PARD3: variants seen among roughly 807,000 people sequenced by gnomAD.
PARD3 encodes the protein partitioning defective 3 homolog.
A neutral mutation model predicts 155.4 loss-of-function variants in PARD3; 75 were observed. That is an observed-to-expected ratio of 0.48 (90% CI 0.40 to 0.58). The LOEUF (loss-of-function observed/expected upper bound fraction) is 0.58. Ranked by LOEUF, PARD3 falls within the 20% of genes least tolerant of loss-of-function variation. PARD3 has a pLI of 0.00. For synonymous variants in PARD3, 576 were observed against 610.5 expected (o/e 0.94, Z 0.83); for missense variants, 1,642 against 1,721.7 (o/e 0.95, Z 0.82).
At chr10:34,616,292 G>C (rs1288693740) in intron 2 of PARD3, among the ~76,000 whole-genome samples, 1 of 151,968 alleles carries the variant, frequency 6.6e-6, no homozygotes, top group Non-Finnish European at 1.5e-5. Flanking sequence ...ACTCCAGCCT[G>C]GGTGACAGGG....
At chr10:34,345,815 T>C (rs1032135556) in intron 15 of PARD3, 2 of 985,120 alleles carry the variant, frequency 2.0e-6, no homozygotes, top group Admixed American at 6.1e-5. Flanking sequence ...AAGTGGTAAC[T>C]AATTTCACAA....
intron 1 of PARD3, among the ~76,000 whole-genome samples, chr10:34,814,424 G>C (rs1405209183): frequency 6.6e-6 from 1 of 152,152 alleles, no homozygotes; most frequent in Non-Finnish European, 1.5e-5. Context: ...GGGCAGTCAC[G>C]AAACTCTCCT....
intron 2 of PARD3, among the ~76,000 whole-genome samples, chr10:34,554,559 G>A (rs2084841906): frequency 6.6e-6 from 1 of 152,042 alleles, no homozygotes; most frequent in African/African-American, 2.4e-5. Context: ...TTAAAAGGGA[G>A]GATATAGATT....
intron 1 of PARD3, among the ~76,000 whole-genome samples, chr10:34,737,510 G>A (rs376015767): frequency 6.6e-6 from 1 of 152,186 alleles, no homozygotes; most frequent in African/African-American, 2.4e-5. Context: ...CATTCTATTT[G>A]GGGGAGGCAA....
At chr10:34,592,098 C>T (rs555847820) in intron 2 of PARD3, among the ~76,000 whole-genome samples, 63 of 152,232 alleles carry the variant, frequency 4.1e-4, no homozygotes, top group Admixed American at 2.7e-3. Context: ...AAACTTTAGG[C>T]GCTCCTAACT....
intron 2 of PARD3, among the ~76,000 whole-genome samples, chr10:34,603,964 C>T (rs1271921819): frequency 6.6e-6 from 1 of 152,068 alleles, no homozygotes; most frequent in Non-Finnish European, 1.5e-5. Context: ...TGTCTTCAGT[C>T]CCAGGTGCGT....
chr10:34,445,980 T>C lies in PARD3; in HGVS notation c.714+4337A>G, dbSNP rs574939432. On this transcript the variant is annotated intron_variant, in intron 5 of 24. Coordinates refer to ENST00000374788, the MANE Select transcript of PARD3 (RefSeq NM_001184785.2). ...GTCAAGCTCTATCCATCAAAACCTA[T>C]ACTGGTGCTTTTACTCCCTTTGATT... Among the ~76,000 whole-genome samples the C allele has an allele frequency of 1.4e-4, 22 of 152,244 alleles. No homozygotes were observed. In the South Asian group the frequency reaches 4.3e-3, roughly 30 times the overall value.
At chr10:34,234,785 A>G (rs189835066) in intron 22 of PARD3, among the ~76,000 whole-genome samples, 23 of 152,270 alleles carry the variant, frequency 1.5e-4, no homozygotes, top group African/African-American at 5.3e-4. Context: ...TATTTGCTCA[A>G]TGAATGAATG....
intron 20 of PARD3, among the ~76,000 whole-genome samples, chr10:34,286,449 G>T (rs1044856974): frequency 9.9e-5 from 15 of 152,256 alleles, no homozygotes; most frequent in Non-Finnish European, 7.3e-5. Flanking sequence ...GGAGGGTGAT[G>T]GCCTCTCTCC....
At chr10:34,771,861 G>A (rs770913679) in intron 1 of PARD3, among the ~76,000 whole-genome samples, 1 of 152,212 alleles carries the variant, frequency 6.6e-6, no homozygotes, top group Non-Finnish European at 1.5e-5. Flanking sequence ...AATACAGCAA[G>A]TTAAAATGAC....
At chr10:34,732,530 C>A (rs776776940) in intron 1 of PARD3, among the ~76,000 whole-genome samples, 1 of 152,030 alleles carries the variant, frequency 6.6e-6, no homozygotes, top group Admixed American at 6.6e-5. Flanking sequence ...TCCATTTCTA[C>A]GAAAAAATTT....
chr10:34,371,514 AAAAAAAAAAAAAAAAAAACAAC>A (rs1840633549), intron 12 of PARD3, among the ~76,000 whole-genome samples: 1 of 101,112 alleles, frequency 9.9e-6, no homozygotes, highest in African/African-American at 7.9e-5. Flanking sequence ...AAAAAAAAAA[AAAAAAAAAAAAAAAAAAACAAC>A]GAAGGAATAT....
intron 2 of PARD3, among the ~76,000 whole-genome samples, chr10:34,564,540 A>G (rs1421439424): frequency 6.6e-6 from 1 of 152,208 alleles, no homozygotes; most frequent in Non-Finnish European, 1.5e-5. Flanking sequence ...AGGTAGCTGG[A>G]ATGTGTGTGA....
At chr10:34,617,184 G>A (rs1187023495) in intron 2 of PARD3, among the ~76,000 whole-genome samples, 1 of 151,910 alleles carries the variant, frequency 6.6e-6, no homozygotes, top group African/African-American at 2.4e-5. Context: ...GAACACGGGA[G>A]GTGGAGGCTG....
chr10:34,360,114 C>T lies in PARD3; in HGVS notation c.1853G>A (p.Gly618Glu). Residue 618 changes from glycine (G) to glutamate (E), a missense_variant, in exon 13 of 25, where the codon GGA (glycine) becomes GAA (glutamate). Gly to Glu is a moderately conservative substitution (Grantham distance 98). Transcript: ENST00000374788. ...NRSKENHADL[G>E]IFVKSIINGG... ...ATTAATAATGGACTTGACAAAGATT[C>T]CCAAATCTGCGTGGTTCTCTTTTGA... 3.1e-6 allele frequency: 5 copies of T among 1,614,046 alleles called. No individual in the cohort carries two copies. The highest frequency in any genetic ancestry group is 4.2e-6 in the Non-Finnish European group (5 of 1,179,968).
At chr10:34,210,730 G>T (rs1427755401) in intron 22 of PARD3, among the ~76,000 whole-genome samples, 1 of 152,064 alleles carries the variant, frequency 6.6e-6, no homozygotes, top group Non-Finnish European at 1.5e-5. Context: ...GCCTGGACTT[G>T]GTTCTCAGGA....
intron 5 of PARD3, among the ~76,000 whole-genome samples, chr10:34,411,373 T>C (rs988945427): frequency 6.6e-6 from 1 of 152,106 alleles, no homozygotes; most frequent in Non-Finnish European, 1.5e-5. Context: ...TCTGCCAGGG[T>C]GTTTTTGAAA....
chr10:34,217,726 G>A (rs977449875), intron 22 of PARD3, among the ~76,000 whole-genome samples: 1 of 152,124 alleles, frequency 6.6e-6, no homozygotes, highest in Admixed American at 6.6e-5. Context: ...ATTTTGAATC[G>A]TGGGATATTT....
chr10:34,734,442 TCTC>T (rs2094877751), intron 1 of PARD3, among the ~76,000 whole-genome samples: 1 of 145,332 alleles, frequency 6.9e-6, no homozygotes, highest in Non-Finnish European at 1.5e-5. Context: ...TTCACGCCAT[TCTC>T]CTGCTTCAGC....
Sources: allele counts gnomAD v4.1 joint callset (sites outside exome capture counted in the v4.1 genomes callset), GRCh38; gene constraint gnomAD v4.1.1; transcripts MANE v1.5; gene names NCBI Gene and HGNC (gene_info 2026-07-23, HGNC 2026-07-21).